The following ZBTB38 variants were observed in gnomAD, a reference collection of about 807,000 sequenced individuals.
ZBTB38 encodes the protein zinc finger and BTB domain-containing protein 38.
A neutral mutation model predicts 76.8 loss-of-function variants in ZBTB38; 20 were observed. The ratio of observed to expected loss-of-function variants is 0.26; its 90% confidence interval spans 0.18 to 0.38. The LOEUF (loss-of-function observed/expected upper bound fraction) is 0.38, where lower values mean the gene tolerates loss of function less well. ZBTB38 is among the 10% of genes least tolerant of loss of function. The pLI is 1.00. For missense variants in ZBTB38, 1,082 were observed against 1,482.3 expected (o/e 0.73, Z 4.43); for synonymous variants, 504 against 544.2 (o/e 0.93, Z 1.03).
intron 4 of ZBTB38, chr3:141,403,189 T>A (rs1328763495): frequency 1.3e-5 from 2 of 152,248 alleles, no homozygotes; most frequent in Admixed American, 1.3e-4. Context: ...TTGGCCCTAA[T>A]TGAGTATCCC....
At chr3:141,371,360 T>C (rs1028393378) in intron 2 of ZBTB38, among the ~76,000 whole-genome samples, 2 of 151,800 alleles carry the variant, frequency 1.3e-5, no homozygotes, top group African/African-American at 4.8e-5. Context: ...CGAGAAACTT[T>C]TTTTTTCTTT....
intron 5 of ZBTB38, among the ~76,000 whole-genome samples, chr3:141,417,755 A>C (rs1228528103): frequency 1.3e-5 from 2 of 152,028 alleles, no homozygotes; most frequent in African/African-American, 4.8e-5. Context: ...AGTGGCTCAC[A>C]CCTGTAATCC....
At chr3:141,333,327 G>A (rs1455024611) in intron 1 of ZBTB38, among the ~76,000 whole-genome samples, 3 of 152,054 alleles carry the variant, frequency 2.0e-5, no homozygotes, top group East Asian at 1.9e-4. Flanking sequence ...AAACCAGCAC[G>A]GGAGAGTCAC....
At chr3:141,366,723 GGGA>G (rs1332855044), upstream of ZBTB38, 2 of 152,150 alleles carry the variant, frequency 1.3e-5, no homozygotes, top group East Asian at 3.8e-4. Context: ...CACCCACAGT[GGGA>G]AGGAAAGCTG....
intron 4 of ZBTB38, among the ~76,000 whole-genome samples, chr3:141,401,704 A>T (rs1048051663): frequency 2.0e-5 from 3 of 151,382 alleles, no homozygotes; most frequent in African/African-American, 4.9e-5. Context: ...CCTGTCCATT[A>T]TTCGTGCATT....
chr3:141,336,227 A>G (rs1559911601), intron 1 of ZBTB38, among the ~76,000 whole-genome samples: 1 of 152,194 alleles, frequency 6.6e-6, no homozygotes, highest in Non-Finnish European at 1.5e-5. Flanking sequence ...GTACAAAGGC[A>G]CTGGCTGGTG....
intron 1 of ZBTB38, among the ~76,000 whole-genome samples, chr3:141,355,100 T>G (rs905767076): frequency 6.6e-6 from 1 of 152,036 alleles, no homozygotes; most frequent in Non-Finnish European, 1.5e-5. Context: ...AAGATTACAA[T>G]GAGAGGAAGG....
chr3:141,430,887 A>G (rs1405505134), intron 5 of ZBTB38, among the ~76,000 whole-genome samples: 2 of 152,214 alleles, frequency 1.3e-5, no homozygotes, highest in African/African-American at 4.8e-5. Flanking sequence ...TGGGTTCACA[A>G]GGAAATGACG....
chr3:141,407,160 A>C (rs993343556), intron 5 of ZBTB38, among the ~76,000 whole-genome samples: 1 of 152,260 alleles, frequency 6.6e-6, no homozygotes, highest in Non-Finnish European at 1.5e-5. Flanking sequence ...TGACTCAAAA[A>C]GTTTCTAACA....
At position 141,445,532 on chromosome 3, in the gene ZBTB38, G is replaced by A. The variant is rs199900819; in HGVS notation, c.3144G>A (p.Ser1048=). ...GCAAGACCTGCGGACGGTGCTTTTC[G>A]GTGCAAGGAAACTTACAGAAACATG... ...YQCKTCGRCF[S]VQGNLQKHER... is the part of the protein sequence containing the mutation. The change falls in exon 6 of 6, where the codon TCG becomes TCA. Residue 1048 remains serine (S), a synonymous_variant. Coordinates refer to ENST00000321464, the MANE Select transcript of ZBTB38 (RefSeq NM_001376113.1). This position sits in a 1 kb window ranked among gnomAD's most constrained non-coding sequence, Gnocchi z 6.5. 26 of 1,614,192 alleles carry A rather than the reference G, an allele frequency of 1.6e-5. No individual in the cohort carries two copies. In the African/African-American group the frequency reaches 1.9e-4, roughly 12 times the overall value.
chr3:141,341,873 G>A (rs1375698100), intron 1 of ZBTB38, among the ~76,000 whole-genome samples: 1 of 152,208 alleles, frequency 6.6e-6, no homozygotes, highest in African/African-American at 2.4e-5. Context: ...TGATACGACA[G>A]ATTTGTTGTT....
intron 2 of ZBTB38, among the ~76,000 whole-genome samples, chr3:141,378,415 G>A (rs966826148): frequency 5.9e-5 from 9 of 152,126 alleles, no homozygotes; most frequent in African/African-American, 2.2e-4. Flanking sequence ...ACATAAGACT[G>A]TATCTGCGTT....
At chr3:141,426,724 A>G (rs370985465) in intron 5 of ZBTB38, among the ~76,000 whole-genome samples, 16 of 152,330 alleles carry the variant, frequency 1.1e-4, no homozygotes, top group African/African-American at 3.6e-4. Flanking sequence ...TTTGTTGCCA[A>G]TTCAGCCCAG....
rs2081068457 is a variant in ZBTB38 at position 141,446,041 on chromosome 3, T to C, written c.*65T>C. 7.1e-7 allele frequency: 1 copy of C among 1,404,406 alleles called. No homozygotes were observed. The highest frequency in any genetic ancestry group is 2.4e-5 in the Admixed American group (1 of 42,236). 87.0% of individuals were successfully genotyped at this position (1,404,406 alleles called of 1,614,324 possible). On this transcript the variant is annotated 3_prime_UTR_variant, in exon 6 of 6. Transcript: ENST00000321464. ...GGTTTTTTTAGTTATGATTTAAGTTTAGTTTCATTTTGTCCATGTGACAGT... is the reference window on the plus strand; with the variant it reads ...GGTTTTTTTAGTTATGATTTAAGTTCAGTTTCATTTTGTCCATGTGACAGT...
intron 4 of ZBTB38, among the ~76,000 whole-genome samples, chr3:141,403,511 TAGTA>T (rs1394036983): frequency 6.6e-6 from 1 of 152,230 alleles, no homozygotes; most frequent in Non-Finnish European, 1.5e-5. Context: ...GCATTGCACA[TAGTA>T]AGGGTAAGCA....
At chr3:141,387,473 T>G (rs1013853892) in intron 4 of ZBTB38, 3 of 152,242 alleles carry the variant, frequency 2.0e-5, no homozygotes, top group Non-Finnish European at 4.4e-5. Context: ...TTTTTAACTC[T>G]TATGCACTCC....
intron 1 of ZBTB38, among the ~76,000 whole-genome samples, chr3:141,341,731 G>T (rs1943203495): frequency 6.6e-6 from 1 of 152,230 alleles, no homozygotes; most frequent in South Asian, 2.1e-4. Context: ...ATGCTAGAGT[G>T]ATGTCATCAG....
At chr3:141,350,878 A>G (rs752914738) in intron 1 of ZBTB38, among the ~76,000 whole-genome samples, 4 of 152,216 alleles carry the variant, frequency 2.6e-5, no homozygotes, top group Non-Finnish European at 4.4e-5. Context: ...TGAATACAGC[A>G]TGCGCTAGCA....
At chr3:141,340,146 CT>C (rs1279879332) in intron 1 of ZBTB38, among the ~76,000 whole-genome samples, 1 of 152,170 alleles carries the variant, frequency 6.6e-6, no homozygotes, top group Non-Finnish European at 1.5e-5. Context: ...CAAAACCTCT[CT>C]CAAATTTACA....
Sources: gnomAD v4.1 joint callset for allele counts (sites outside exome capture counted in the v4.1 genomes callset) on GRCh38, gnomAD v4.1.1 for gene constraint, Gnocchi (gnomAD v3.1) non-coding constraint, MANE v1.5 for transcripts, NCBI Gene and HGNC (gene_info 2026-07-23, HGNC 2026-07-21) for gene names.